FMNL2: variants seen among roughly 807,000 people sequenced by gnomAD.
The protein encoded by FMNL2 is formin like 2.
FMNL2 carries 51 observed loss-of-function variants against 130.2 expected under a neutral mutation model. The ratio of observed to expected loss-of-function variants is 0.39; its 90% CI spans 0.31 to 0.49. The LOEUF (loss-of-function observed/expected upper bound fraction) is 0.49, where lower values mean the gene tolerates loss of function less well. Ranked by LOEUF, FMNL2 falls within the 20% of genes least tolerant of loss-of-function variation. The pLI is 0.85. For missense variants in FMNL2, 977 were observed against 1,316.2 expected (o/e 0.74, Z 3.99); for synonymous variants, 465 against 467.1 (o/e 1.00, Z 0.06).
intron 25 of FMNL2, among the ~76,000 whole-genome samples, chr2:152,644,625 G>T (rs1415735679): frequency 6.6e-6 from 1 of 152,206 alleles, no homozygotes; most frequent in Non-Finnish European, 1.5e-5. Context: ...GAGCAAAGCT[G>T]TGAGGCAGGA....
chr2:152,386,234 A>G (rs1016219235), intron 1 of FMNL2, among the ~76,000 whole-genome samples: 1 of 152,202 alleles, frequency 6.6e-6, no homozygotes, highest in Non-Finnish European at 1.5e-5. Context: ...CTCTCAGTGA[A>G]AGGGAGAATT....
At position 152,497,728 on chromosome 2, in the gene FMNL2, T is replaced by C. The variant is rs112387467; in HGVS notation, c.118-24215T>C. Among the ~76,000 whole-genome samples the C allele has an allele frequency of 6.4e-3, 972 of 152,340 alleles. 7 individuals carry two copies. The highest frequency in any genetic ancestry group is 0.022 in the African/African-American group (920 of 41,580). On this transcript the variant is annotated intron_variant, in intron 1 of 25. Transcript: ENST00000288670. ...CAAAAATTGCCACAAACTTAGTGGC[T>C]TAAAACAACACAAATGTATTAGCTC...
intron 1 of FMNL2, among the ~76,000 whole-genome samples, chr2:152,443,957 C>A (rs913218186): frequency 6.6e-6 from 1 of 152,130 alleles, no homozygotes; most frequent in East Asian, 1.9e-4. Flanking sequence ...CATGGAAGTC[C>A]GTCGTGCATT....
In FMNL2 at chr2:152,513,190, C is replaced by T. The variant is rs146834263; in HGVS notation, c.118-8753C>T. Among the ~76,000 whole-genome samples the T allele has an allele frequency of 1.3e-4, 20 of 152,216 alleles. 1 individual carries two copies. In the East Asian group the frequency reaches 3.1e-3, roughly 24 times the overall value. On this transcript the variant is annotated intron_variant, in intron 1 of 25. Transcript: ENST00000288670. ...GAAATACATCATTAGGCAATTTCAT[C>T]GTTGTGTGAACACCACAGAGAAATG...
chr2:152,621,551 T>G (rs1681303105), intron 15 of FMNL2, among the ~76,000 whole-genome samples: 1 of 152,198 alleles, frequency 6.6e-6, no homozygotes, highest in Non-Finnish European at 1.5e-5. Flanking sequence ...TCATGCAATT[T>G]AGAGGACTGT....
chr2:152,624,073 CCACTCAATTCCCTT>C (rs1681584685), intron 15 of FMNL2, among the ~76,000 whole-genome samples: 1 of 2,012 alleles, frequency 5.0e-4, no homozygotes, highest in Non-Finnish European at 1.1e-3. Context: ...CCCCTCCCCT[CCACTCAATTCCCTT>C]CGCCTCCCCT....
At chr2:152,619,438 T>A in intron 14 of FMNL2, 71 bp from the exon 15 acceptor site, 2 of 1,543,634 alleles carry the variant, frequency 1.3e-6, no homozygotes, top group East Asian at 2.4e-5. Flanking sequence ...TGGCTTTATA[T>A]GCACATGGCT....
chr2:152,368,619 A>G (rs1683701513), intron 1 of FMNL2, among the ~76,000 whole-genome samples: 1 of 152,164 alleles, frequency 6.6e-6, no homozygotes, highest in Non-Finnish European at 1.5e-5. Context: ...TAATTTTACA[A>G]TAGAGGAAGG....
At chr2:152,384,490 G>T (rs1049436825) in intron 1 of FMNL2, among the ~76,000 whole-genome samples, 1 of 152,090 alleles carries the variant, frequency 6.6e-6, no homozygotes, top group African/African-American at 2.4e-5. Flanking sequence ...GGGAGATATG[G>T]TCCATTTGAT....
At chr2:152,442,733 A>G (rs1688118911) in intron 1 of FMNL2, among the ~76,000 whole-genome samples, 1 of 152,208 alleles carries the variant, frequency 6.6e-6, no homozygotes, top group Non-Finnish European at 1.5e-5. Context: ...TGTAGGAACA[A>G]TGACAAACCA....
intron 1 of FMNL2, among the ~76,000 whole-genome samples, chr2:152,394,143 AC>A (rs1281971675): frequency 6.6e-6 from 1 of 152,174 alleles, no homozygotes; most frequent in Non-Finnish European, 1.5e-5. Context: ...TGAATTTCTT[AC>A]AACATCAAAT....
chr2:152,517,155 G>T (rs1188688941), intron 1 of FMNL2, among the ~76,000 whole-genome samples: 2 of 149,054 alleles, frequency 1.3e-5, no homozygotes, highest in Admixed American at 1.3e-4. Context: ...AATATTGCTA[G>T]AATTGAAGAT....
intron 1 of FMNL2, among the ~76,000 whole-genome samples, chr2:152,363,549 G>A (rs891309351): frequency 6.7e-6 from 1 of 149,904 alleles, no homozygotes; most frequent in Non-Finnish European, 1.5e-5. Context: ...GGCTCAGTGA[G>A]TTTTTTTCTT....
intron 9 of FMNL2, among the ~76,000 whole-genome samples, chr2:152,581,876 A>G (rs1270330982): frequency 6.6e-6 from 1 of 152,110 alleles, no homozygotes; most frequent in Non-Finnish European, 1.5e-5. Flanking sequence ...TTTAATTCCA[A>G]ATGCTTTTGG....
At chr2:152,548,786 A>C (rs1268393697) in intron 3 of FMNL2, among the ~76,000 whole-genome samples, 2 of 152,144 alleles carry the variant, frequency 1.3e-5, no homozygotes, top group Non-Finnish European at 2.9e-5. Context: ...GGGGTAGGGA[A>C]ATAAAATCTA....
chr2:152,374,789 A>C (rs1023969152), intron 1 of FMNL2, among the ~76,000 whole-genome samples: 1 of 152,190 alleles, frequency 6.6e-6, no homozygotes, highest in Non-Finnish European at 1.5e-5. Flanking sequence ...GTGATCCCAC[A>C]TGAAGATTAT....
intron 1 of FMNL2, among the ~76,000 whole-genome samples, chr2:152,435,475 A>G (rs1393818049): frequency 1.3e-5 from 2 of 152,148 alleles, no homozygotes; most frequent in African/African-American, 4.8e-5. Context: ...GTCTTCACGT[A>G]TGGTAAATAC....
chr2:152,554,921 C>T (rs1291814746), intron 4 of FMNL2, among the ~76,000 whole-genome samples: 2 of 152,158 alleles, frequency 1.3e-5, no homozygotes, highest in African/African-American at 4.8e-5. Context: ...AGCAGAAGTA[C>T]TTTATGTGAG....
chr2:152,629,560 G>T, intron 18 of FMNL2, 96 bp from the exon 19 acceptor site: 2 of 1,108,358 alleles, frequency 1.8e-6, no homozygotes. Context: ...TCTAAATGCA[G>T]GCCTGTTTTC....
Sources: gnomAD v4.1 joint callset for allele counts (sites outside exome capture counted in the v4.1 genomes callset) on GRCh38, gnomAD v4.1.1 for gene constraint, MANE v1.5 for transcripts, NCBI Gene and HGNC (gene_info 2026-07-23, HGNC 2026-07-21) for gene names.